SLC8A3: variants seen among roughly 807,000 people sequenced by gnomAD.
The protein encoded by SLC8A3 is sodium/calcium exchanger 3.
SLC8A3 carries 37 observed loss-of-function variants against 65.4 expected under a neutral mutation model. That is an observed-to-expected ratio of 0.57 (90% CI 0.44 to 0.74). SLC8A3 has a LOEUF of 0.74. Among genes scored for constraint, SLC8A3 ranks in the 30% least tolerant of loss-of-function variants. The probability of loss-of-function intolerance (pLI) is 0.00; values close to 1 mark genes in which losing one functional copy is unlikely to be tolerated. For missense variants in SLC8A3, 1,112 were observed against 1,172.1 expected, an observed-to-expected ratio of 0.95 and a Z score of 0.75; for synonymous variants, 461 against 444.5, an observed-to-expected ratio of 1.04 and a Z score of -0.47.
chr14:70,047,326 G>GTTTT (rs1208697420), intron 6 of SLC8A3: 1 of 152,032 alleles, frequency 6.6e-6, no homozygotes, highest in East Asian at 1.9e-4. Context: ...TTGTTTGTTT[G>GTTTT]TTTTTGTTTC....
chr14:70,187,628 TG>T (rs1566843461), intron 1 of SLC8A3, among the ~76,000 whole-genome samples: 17 of 134,212 alleles, frequency 1.3e-4, no homozygotes, highest in South Asian at 4.6e-4. Flanking sequence ...TGTGTGTGTG[TG>T]TGTGTGTGTG....
chr14:70,058,866 T>C (rs1468028742), intron 3 of SLC8A3, among the ~76,000 whole-genome samples: 1 of 152,190 alleles, frequency 6.6e-6, no homozygotes, highest in Admixed American at 6.5e-5. Context: ...CTGTGGAAAC[T>C]GATGAAGGTG....
intron 2 of SLC8A3, among the ~76,000 whole-genome samples, chr14:70,122,611 C>T (rs1180015756): frequency 2.0e-4 from 31 of 152,166 alleles, no homozygotes; most frequent in Admixed American, 2.0e-3. Flanking sequence ...ATGGATGGCG[C>T]TTAGCCAAGG....
chr14:70,146,459 C>G (rs750649028), intron 2 of SLC8A3, among the ~76,000 whole-genome samples: 8 of 152,154 alleles, frequency 5.3e-5, no homozygotes, highest in African/African-American at 9.7e-5. Context: ...TGATGGCTCT[C>G]TAACGAAGCC....
chr14:70,109,924 A>T (rs1893167932), intron 2 of SLC8A3, among the ~76,000 whole-genome samples: 1 of 152,182 alleles, frequency 6.6e-6, no homozygotes, highest in Admixed American at 6.5e-5. Flanking sequence ...CATATTATAA[A>T]GTTGTCTTTA....
Position 70,044,267 on chromosome 14 carries a change from C to A in SLC8A3, c.*1680G>T, listed in dbSNP as rs1259621640. 1 of 151,948 alleles carries A rather than the reference C, an allele frequency of 6.6e-6. No homozygotes were observed. The highest frequency in any genetic ancestry group is 1.5e-5 in the Non-Finnish European group (1 of 68,008). The allele number at this position is 151,948 out of a possible 1,614,324, so 9.4% of individuals were successfully genotyped here. A position where few individuals can be genotyped will look rare whatever the true frequency, so the allele number is the denominator to read the frequency against. On this transcript the variant is annotated 3_prime_UTR_variant, in exon 7 of 7. Transcript: ENST00000356921. ...TTATTTTTTTTTTGAACCAACCCAA[C>A]ATTTCCACTGGCAACTGTCAACATA...
chr14:70,135,560 T>TA (rs566660864), intron 2 of SLC8A3, among the ~76,000 whole-genome samples: 1 of 151,824 alleles, frequency 6.6e-6, no homozygotes, highest in Non-Finnish European at 1.5e-5. Flanking sequence ...CATTTAGCCA[T>TA]AAAAAAATAA....
intron 2 of SLC8A3, among the ~76,000 whole-genome samples, chr14:70,086,474 T>C (rs1891454623): frequency 6.8e-6 from 1 of 147,524 alleles, no homozygotes; most frequent in Non-Finnish European, 1.5e-5. Flanking sequence ...CGATCTTGGC[T>C]CACTGCAACC....
intron 1 of SLC8A3, among the ~76,000 whole-genome samples, chr14:70,185,413 C>A (rs1594832893): frequency 6.6e-6 from 1 of 152,250 alleles, no homozygotes; most frequent in Admixed American, 6.5e-5. Flanking sequence ...ATATCAACAA[C>A]TGTGCCCAGA....
At chr14:70,180,209 A>G (rs1373702885) in intron 1 of SLC8A3, among the ~76,000 whole-genome samples, 1 of 152,212 alleles carries the variant, frequency 6.6e-6, no homozygotes, top group East Asian at 1.9e-4. Context: ...CTTTATGTAC[A>G]TATTTCTCAG....
chr14:70,157,759 C>T (rs1411345224), intron 2 of SLC8A3, among the ~76,000 whole-genome samples: 4 of 152,180 alleles, frequency 2.6e-5, no homozygotes, highest in Non-Finnish European at 5.9e-5. Context: ...TACAATTAAA[C>T]CCTCTCGTTT....
intron 2 of SLC8A3, among the ~76,000 whole-genome samples, chr14:70,083,246 T>C (rs1039963151): frequency 2.6e-5 from 4 of 152,210 alleles, no homozygotes; most frequent in African/African-American, 9.6e-5. Flanking sequence ...AGATTTATCA[T>C]CTCCGGAGAG....
intron 2 of SLC8A3, among the ~76,000 whole-genome samples, chr14:70,142,716 A>T (rs1326104179): frequency 6.6e-6 from 1 of 152,168 alleles, no homozygotes; most frequent in Non-Finnish European, 1.5e-5. Flanking sequence ...CTAAAAAGTC[A>T]TTATCTGAAT....
At chr14:70,173,181 A>G (rs1443738922) in intron 1 of SLC8A3, among the ~76,000 whole-genome samples, 1 of 152,208 alleles carries the variant, frequency 6.6e-6, no homozygotes, top group African/African-American at 2.4e-5. Context: ...CGTCTTTCAG[A>G]AATACCAATT....
At chr14:70,177,581 C>A (rs12883951) in intron 1 of SLC8A3, among the ~76,000 whole-genome samples, 40,587 of 151,968 alleles carry the variant, frequency 0.27, 5,902 homozygotes, top group East Asian at 0.58. Context: ...GAAGACAGTG[C>A]ATCTCAAACA....
At chr14:70,172,031 T>C (rs1450650316) in intron 1 of SLC8A3, among the ~76,000 whole-genome samples, 2 of 152,158 alleles carry the variant, frequency 1.3e-5, no homozygotes, top group East Asian at 3.9e-4. Flanking sequence ...CCAATTGAGA[T>C]AGATCCCAAC....
chr14:70,116,321 CTGTGTGTG>C (rs55890014), intron 2 of SLC8A3, among the ~76,000 whole-genome samples: 462 of 147,724 alleles, frequency 3.1e-3, no homozygotes, highest in African/African-American at 4.9e-3. Flanking sequence ...ATTGAGAACA[CTGTGTGTG>C]TGTGTGTGTG....
At chr14:70,086,623 C>T (rs1233175119) in intron 2 of SLC8A3, among the ~76,000 whole-genome samples, 3 of 152,048 alleles carry the variant, frequency 2.0e-5, no homozygotes, top group Admixed American at 6.5e-5. Flanking sequence ...AGGCTGGTCT[C>T]GAACTCCTGA....
At chr14:70,050,108 T>G (rs1289136029) in intron 5 of SLC8A3, among the ~76,000 whole-genome samples, 1 of 152,214 alleles carries the variant, frequency 6.6e-6, no homozygotes, top group African/African-American at 2.4e-5. Context: ...AAATCATCTC[T>G]TATTTCTGAA....
Sources: gnomAD v4.1 joint callset for allele counts (sites outside exome capture counted in the v4.1 genomes callset) on GRCh38, gnomAD v4.1.1 for gene constraint, MANE v1.5 for transcripts, NCBI Gene and HGNC (gene_info 2026-07-23, HGNC 2026-07-21) for gene names.